Variants in WWOX observed in about 807,000 individuals in gnomAD.
WWOX encodes WW domain-containing oxidoreductase.
In WWOX, 69 loss-of-function variants were observed where a neutral mutation model predicts 46.2. The observed-to-expected ratio is 1.49, with a 90% CI of 1.23 to 1.82. The LOEUF is 1.82. Among genes scored for constraint, WWOX ranks in the 40% most tolerant of loss-of-function variants. The probability of loss-of-function intolerance (pLI) is 0.00; values close to 1 mark genes in which losing one functional copy is unlikely to be tolerated. For synonymous variants in WWOX, 359 were observed against 202.6 expected (o/e 1.77, Z -6.56); for missense variants, 919 against 542.6 (o/e 1.69, Z -6.89).
intron 1 of WWOX, among the ~76,000 whole-genome samples, chr16:78,106,426 T>TG (rs1478429532): frequency 6.8e-6 from 1 of 146,812 alleles, no homozygotes; most frequent in Non-Finnish European, 1.5e-5. Flanking sequence ...TTTTTGTTTT[T>TG]TTTTTTTTTT....
intron 5 of WWOX, among the ~76,000 whole-genome samples, chr16:78,315,132 A>G (rs1364470294): frequency 6.6e-6 from 1 of 152,194 alleles, no homozygotes. Context: ...TCTGTCTGCT[A>G]TAGAAATAGC....
chr16:78,547,756 C>T (rs12923083), intron 8 of WWOX, among the ~76,000 whole-genome samples: 1 of 152,146 alleles, frequency 6.6e-6, no homozygotes, highest in Non-Finnish European at 1.5e-5. Context: ...GTCTCTCTAT[C>T]TGGCCTCTTT....
At chr16:78,808,842 AC>A (rs1567574701) in intron 8 of WWOX, among the ~76,000 whole-genome samples, 1 of 152,022 alleles carries the variant, frequency 6.6e-6, no homozygotes, top group Non-Finnish European at 1.5e-5. Context: ...ATCAACCTCT[AC>A]GGCTGCCCCT....
chr16:78,548,546 A>T (rs1197144648), intron 8 of WWOX, among the ~76,000 whole-genome samples: 3 of 152,134 alleles, frequency 2.0e-5, no homozygotes, highest in Non-Finnish European at 2.9e-5. Context: ...GCCTCATTGG[A>T]TGAATCATAT....
chr16:78,648,570 C>G (rs2046896868), intron 8 of WWOX, among the ~76,000 whole-genome samples: 1 of 152,106 alleles, frequency 6.6e-6, no homozygotes. Context: ...GTCAGTAATG[C>G]CCATTTTTGC....
chr16:78,423,289 A>G (rs911933044), intron 6 of WWOX, among the ~76,000 whole-genome samples: 3 of 152,202 alleles, frequency 2.0e-5, no homozygotes, highest in Non-Finnish European at 4.4e-5. Context: ...TTTATTTTAT[A>G]ACATAAATGT....
chr16:78,191,521 G>T (rs1281906684), intron 5 of WWOX, among the ~76,000 whole-genome samples: 1 of 152,114 alleles, frequency 6.6e-6, no homozygotes, highest in Non-Finnish European at 1.5e-5. Flanking sequence ...AAAAAATCTT[G>T]GATACCTGTT....
chr16:78,427,394 C>G (rs2083107889), intron 7 of WWOX, among the ~76,000 whole-genome samples: 1 of 152,134 alleles, frequency 6.6e-6, no homozygotes, highest in African/African-American at 2.4e-5. Context: ...AAGTTGACTT[C>G]TTTGCTGTGA....
intron 8 of WWOX, among the ~76,000 whole-genome samples, chr16:78,557,780 C>T (rs567156008): frequency 6.7e-6 from 1 of 148,190 alleles, no homozygotes; most frequent in East Asian, 2.0e-4. Flanking sequence ...ACTGCAACCT[C>T]CGCCTCCTGG....
At chr16:79,201,880 T>G (rs755206897) in intron 8 of WWOX, among the ~76,000 whole-genome samples, 1 of 152,218 alleles carries the variant, frequency 6.6e-6, no homozygotes, top group Non-Finnish European at 1.5e-5. Context: ...TTCACCTGTT[T>G]ATTTCATGAC....
chr16:78,981,381 A>G (rs1032875200), intron 8 of WWOX, among the ~76,000 whole-genome samples: 2 of 152,010 alleles, frequency 1.3e-5, no homozygotes, highest in East Asian at 1.9e-4. Context: ...GACACGGACA[A>G]TGTGGGCAGC....
chr16:78,761,048 C>G (rs536276287), intron 8 of WWOX, among the ~76,000 whole-genome samples: 1 of 152,172 alleles, frequency 6.6e-6, no homozygotes, highest in Non-Finnish European at 1.5e-5. Flanking sequence ...CCTACCAGGC[C>G]CCTCCTACAA....
At chr16:78,331,764 A>G (rs1486943298) in intron 5 of WWOX, among the ~76,000 whole-genome samples, 2 of 152,160 alleles carry the variant, frequency 1.3e-5, no homozygotes, top group Non-Finnish European at 2.9e-5. Flanking sequence ...TATTAATAGT[A>G]TTTTACGAAG....
At chr16:78,535,877 G>A (rs1007532682) in intron 8 of WWOX, among the ~76,000 whole-genome samples, 1 of 152,140 alleles carries the variant, frequency 6.6e-6, no homozygotes, top group Non-Finnish European at 1.5e-5. Context: ...GGCTTTCTTG[G>A]ACTCATTTTC....
In WWOX at chr16:78,962,274, G is replaced by C. The variant is rs538685203; in HGVS notation, c.1057-249334G>C. On this transcript the variant is annotated intron_variant, in intron 8 of 8. Transcript: ENST00000566780. The stretch of plus-strand genomic sequence containing the variant: ...CCATTAGCTGAATTCTGTGCCAGAA[G>C]GAAGAGATTTGGAGTCAGCAAGGCA... Among the ~76,000 whole-genome samples the C allele has an allele frequency of 8.6e-5, 12 of 140,258 alleles. No individual in the cohort carries two copies. In the East Asian group the frequency reaches 2.9e-3, roughly 34 times the overall value. 92.0% of individuals were successfully genotyped at this position (140,258 alleles called of 152,430 possible). A position where few individuals can be genotyped will look rare whatever the true frequency, so the allele number is the denominator to read the frequency against.
rs750875402 is a variant in WWOX, at chr16:78,308,311, G to A, written c.517-78549G>A. On this transcript the variant is annotated intron_variant, in intron 5 of 8. Transcript: ENST00000566780. Reference sequence around the variant, plus strand: ...GAATGGATCCCTGCCTCTGGGCCAAGGGGATTCCGAAATAAACCTGAAAAA... The same window carrying A: ...GAATGGATCCCTGCCTCTGGGCCAAAGGGATTCCGAAATAAACCTGAAAAA... 9.8e-5 allele frequency among the ~76,000 whole-genome samples: 15 copies of A among 152,290 alleles called. 1 individual carries two copies. In the South Asian group the frequency reaches 1.5e-3, roughly 15 times the overall value.
At chr16:78,711,885 G>A (rs190349777) in intron 8 of WWOX, among the ~76,000 whole-genome samples, 37 of 152,194 alleles carry the variant, frequency 2.4e-4, no homozygotes, top group African/African-American at 7.7e-4. Context: ...CTCAGTGCAC[G>A]CGCCATCTAA....
At chr16:79,202,080 T>C (rs1597471416) in intron 8 of WWOX, among the ~76,000 whole-genome samples, 1 of 152,152 alleles carries the variant, frequency 6.6e-6, no homozygotes, top group East Asian at 1.9e-4. Flanking sequence ...TAAAGTTTTA[T>C]TGGAATACAG....
intron 8 of WWOX, among the ~76,000 whole-genome samples, chr16:79,000,257 T>C (rs1194859438): frequency 6.6e-6 from 1 of 152,188 alleles, no homozygotes; most frequent in Non-Finnish European, 1.5e-5. Flanking sequence ...ATTCTCCTCC[T>C]TCCTTTAGAT....
Sources: gnomAD v4.1 joint callset for allele counts (sites outside exome capture counted in the v4.1 genomes callset) on GRCh38, gnomAD v4.1.1 for gene constraint, MANE v1.5 for transcripts, NCBI Gene and HGNC (gene_info 2026-07-23, HGNC 2026-07-21) for gene names.